Variants in BCR observed in about 807,000 individuals in gnomAD.
The protein encoded by BCR is BCR activator of RhoGEF and GTPase.
A neutral mutation model predicts 138.6 loss-of-function variants in BCR; 58 were observed. The observed-to-expected ratio is 0.42, with a 90% CI of 0.34 to 0.52. BCR has a LOEUF of 0.52. Among genes scored for constraint, BCR ranks in the 20% least tolerant of loss-of-function variants. The pLI is 0.06. For missense variants in BCR, 1,599 were observed against 1,727.2 expected (o/e 0.93, Z 1.32); for synonymous variants, 786 against 730.1 (o/e 1.08, Z -1.23).
At chr22:23,280,627 A>G (rs2073632837) in intron 8 of BCR, among the ~76,000 whole-genome samples, 1 of 152,352 alleles carries the variant, frequency 6.6e-6, no homozygotes, top group South Asian at 2.1e-4. Context: ...CAAGAAATGG[A>G]GGAGCATAGC....
chr22:23,220,978 G>A (rs1214088534), intron 1 of BCR, among the ~76,000 whole-genome samples: 1 of 152,150 alleles, frequency 6.6e-6, no homozygotes, highest in East Asian at 1.9e-4. Flanking sequence ...CTGTCTGTTA[G>A]AACCCGCCTC....
At chr22:23,187,923 A>G (rs1216628764) in intron 1 of BCR, among the ~76,000 whole-genome samples, 1 of 152,122 alleles carries the variant, frequency 6.6e-6, no homozygotes. Flanking sequence ...GTGTTTTCAC[A>G]TTTTTATTAA....
chr22:23,205,674 A>G (rs2072604950), intron 1 of BCR, among the ~76,000 whole-genome samples: 1 of 149,774 alleles, frequency 6.7e-6, no homozygotes, highest in South Asian at 2.1e-4. Flanking sequence ...TTTACTCTAC[A>G]GTATTGGGAT....
chr22:23,198,941 G>A (rs191960633), intron 1 of BCR, among the ~76,000 whole-genome samples: 294 of 152,120 alleles, frequency 1.9e-3, no homozygotes, highest in African/African-American at 6.2e-3. Flanking sequence ...CCAACATGGC[G>A]AAACCCGGTC....
intron 10 of BCR, among the ~76,000 whole-genome samples, chr22:23,286,459 C>G (rs2073714369): frequency 6.6e-6 from 1 of 152,200 alleles, no homozygotes; most frequent in Non-Finnish European, 1.5e-5. Context: ...GGTGAACATT[C>G]TATTGTCATC....
intron 4 of BCR, chr22:23,262,880 C>T (rs973406699): frequency 1.7e-5 from 18 of 1,058,124 alleles, no homozygotes; most frequent in Admixed American, 1.1e-4. Flanking sequence ...AAGGAGGCAG[C>T]GGGCCGGGGG....
chr22:23,259,634 T>C (rs1875567329), intron 2 of BCR, among the ~76,000 whole-genome samples: 1 of 152,022 alleles, frequency 6.6e-6, no homozygotes, highest in Admixed American at 6.6e-5. Context: ...CTCCTGCCTC[T>C]GCCTCCCAAG....
At chr22:23,314,236 G>A in intron 21 of BCR, among the ~76,000 whole-genome samples, 163 bp downstream of exon 21, 1 of 152,094 alleles carries the variant, frequency 6.6e-6, no homozygotes, top group Non-Finnish European at 1.5e-5. Context: ...CCCTGCCCCA[G>A]CCTCTCTTCT....
rs1324457520 is a variant in BCR, at chr22:23,295,101, C to G, written c.2958C>G (p.Ile986Met). The G allele has an allele frequency of 3.7e-6, 6 of 1,614,170 alleles. No individual in the cohort carries two copies. Among genetic ancestry groups the G allele is most frequent in the Non-Finnish European group, 5.1e-6 (6 of 1,180,024 alleles). The part of the protein sequence containing the change: ...CYEKCYNKTK[I>M]PKEDGESTDR... ...AAAAGTGTTACAACAAGACGAAGATCCCCAAGGAGGACGGCGAGAGCACGG... is the reference window on the plus strand; with the variant it reads ...AAAAGTGTTACAACAAGACGAAGATGCCCAAGGAGGACGGCGAGAGCACGG... Residue 986 changes from isoleucine to methionine, a missense_variant, in exon 16 of 23, where the codon ATC (isoleucine) becomes ATG (methionine). Transcript: ENST00000305877.
At position 23,195,748 on chromosome 22, in the gene BCR, C is replaced by T. The variant is rs139995837; in HGVS notation, c.1279+13509C>T. On this transcript the variant is annotated intron_variant, in intron 1 of 22. Transcript: ENST00000305877. ...CTAAAAATACAAAAAATTAATTGGG[C>T]ATTGTGGCAGGCGCCTGTAATCCCA... Among the ~76,000 whole-genome samples the T allele has an allele frequency of 3.7e-4, 57 of 152,052 alleles. No homozygotes were observed. In the East Asian group the frequency reaches 9.5e-3, roughly 25 times the overall value.
rs528392675 is a variant in BCR at position 23,303,678 on chromosome 22, A to G, written c.3013-5746A>G. On this transcript the variant is annotated intron_variant, in intron 16 of 22. Coordinates refer to ENST00000305877, the MANE Select transcript of BCR (RefSeq NM_004327.4). ...AAGATGTAAACATCATGAAAATGTA[A>G]GATCACATGAGCAAATTCTTACACA... Among the ~76,000 whole-genome samples, 8 of 152,390 alleles carry G rather than the reference A, an allele frequency of 5.2e-5. No homozygotes were observed. The South Asian group carries it at 1.4e-3, about 28-fold the overall frequency.
Position 23,312,067 on chromosome 22 carries a change from G to A in BCR, c.3322+231G>A, listed in dbSNP as rs181528208. ...ATGCCACTTGCTGGGGTAGGCCAGG[G>A]GTTTCTGCAGGGCCTTGGCCTTCCT... On this transcript the variant is annotated intron_variant, in intron 19 of 22. Transcript: ENST00000305877. 12 of 801,852 alleles carry A rather than the reference G, an allele frequency of 1.5e-5. No individual in the cohort carries two copies. The Admixed American group carries it at 1.5e-4, about 10-fold the overall frequency. The allele number at this position is 801,852 out of a possible 1,614,324, so 49.7% of individuals were successfully genotyped here. A position where few individuals can be genotyped will look rare whatever the true frequency, so the allele number is the denominator to read the frequency against.
intron 1 of BCR, among the ~76,000 whole-genome samples, chr22:23,247,913 A>G (rs138178703): frequency 1.3e-5 from 2 of 152,318 alleles, no homozygotes; most frequent in African/African-American, 2.4e-5. Context: ...TTAAGGCTGA[A>G]TGATGTTCCA....
At chr22:23,309,387 C>G (rs913978319) in intron 16 of BCR, 37 bp from the exon 17 acceptor site, 4 of 1,517,202 alleles carry the variant, frequency 2.6e-6, no homozygotes, top group Non-Finnish European at 3.6e-6. Flanking sequence ...CTGAACAGAC[C>G]CCAGGGCCTC....
In BCR at chr22:23,259,336, C is replaced by G. The variant is rs541998951; in HGVS notation, c.1462-1614C>G. Among the ~76,000 whole-genome samples the G allele has an allele frequency of 7.9e-5, 12 of 152,276 alleles. 1 individual carries two copies. The East Asian group carries it at 2.3e-3, about 29-fold the overall frequency. On this transcript the variant is annotated intron_variant, in intron 2 of 22. Transcript: ENST00000305877. ...TATGTGTCTTCACATAATGTTCCCT[C>G]CATTTGAGTCTGTGTCCTGACCTCT...
In BCR at chr22:23,189,747, G is replaced by A. The variant is rs564393978; in HGVS notation, c.1279+7508G>A. Among the ~76,000 whole-genome samples, 7 of 152,184 alleles carry A rather than the reference G, an allele frequency of 4.6e-5. No individual in the cohort carries two copies. The East Asian group carries it at 1.2e-3, about 25-fold the overall frequency. ...AATCGTTTGACCCCGTGATCCACCC[G>A]CCTCGGCCTCCCAAAGTGCTGGGAT... On this transcript the variant is annotated intron_variant, in intron 1 of 22. Coordinates refer to ENST00000305877, the MANE Select transcript of BCR (RefSeq NM_004327.4).
intron 1 of BCR, among the ~76,000 whole-genome samples, chr22:23,185,821 C>T (rs916098933): frequency 9.9e-5 from 15 of 151,644 alleles, no homozygotes; most frequent in African/African-American, 3.6e-4. Flanking sequence ...CTCCGCCTCT[C>T]GGCTTCACAC....
At chr22:23,270,105 C>T (rs1179117894) in intron 5 of BCR, among the ~76,000 whole-genome samples, 2 of 152,138 alleles carry the variant, frequency 1.3e-5, no homozygotes, top group African/African-American at 4.8e-5. Flanking sequence ...CCAAAGAAAG[C>T]AGAGTCAAAC....
intron 8 of BCR, 84 bp downstream of exon 8, chr22:23,273,858 C>T: frequency 6.4e-7 from 1 of 1,559,616 alleles, no homozygotes; most frequent in Non-Finnish European, 8.8e-7. Flanking sequence ...GGTCTGGAGC[C>T]CTTCCTGGTC....
Sources: allele counts gnomAD v4.1 joint callset (sites outside exome capture counted in the v4.1 genomes callset), GRCh38; gene constraint gnomAD v4.1.1; transcripts MANE v1.5; gene names NCBI Gene and HGNC (gene_info 2026-07-23, HGNC 2026-07-21).